The following LRP2 variants were observed in gnomAD, a reference collection of about 807,000 sequenced individuals.
The protein encoded by LRP2 is low-density lipoprotein receptor-related protein 2.
A neutral mutation model predicts 531.0 loss-of-function variants in LRP2; 172 were observed. The observed-to-expected ratio is 0.32, with a 90% confidence interval of 0.29 to 0.37. The LOEUF (loss-of-function observed/expected upper bound fraction) is 0.37, where lower values mean the gene tolerates loss of function less well. Among genes scored for constraint, LRP2 ranks in the 10% least tolerant of loss-of-function variants. LRP2 has a pLI of 1.00. For synonymous variants in LRP2, 1,992 were observed against 2,027.6 expected (o/e 0.98, Z 0.47); for missense variants, 5,167 against 5,868.3 (o/e 0.88, Z 3.90).
intron 1 of LRP2, among the ~76,000 whole-genome samples, chr2:169,327,644 G>A (rs1466960162): frequency 3.0e-4 from 15 of 49,552 alleles, no homozygotes; most frequent in African/African-American, 1.3e-3. Context: ...CAGCCACCCC[G>A]TCCGGGAGGG....
At chr2:169,220,728 T>C (rs902898891) in intron 33 of LRP2, among the ~76,000 whole-genome samples, 165 bp from the exon 34 acceptor site, 1 of 152,116 alleles carries the variant, frequency 6.6e-6, no homozygotes, top group African/African-American at 2.4e-5. Context: ...TTCAGGGAAA[T>C]GAGGAAATTA....
At chr2:169,195,059 T>A (rs1687960807) in intron 46 of LRP2, among the ~76,000 whole-genome samples, 1 of 152,178 alleles carries the variant, frequency 6.6e-6, no homozygotes, top group African/African-American at 2.4e-5. Flanking sequence ...GCAGCACCAT[T>A]TCTGGACATC....
intron 7 of LRP2, 38 bp downstream of exon 7, chr2:169,292,215 G>A (rs1286990544): frequency 7.0e-7 from 1 of 1,431,680 alleles, no homozygotes; most frequent in African/African-American, 1.4e-5. Context: ...AACACTTGAA[G>A]AAAATGCTTT....
At chr2:169,294,493 A>G (rs1684084317) in intron 5 of LRP2, 107 bp downstream of exon 5, 1 of 876,166 alleles carries the variant, frequency 1.1e-6, no homozygotes, top group Non-Finnish European at 1.9e-6. Context: ...AACTACCAAC[A>G]TGAATTCACT....
intron 55 of LRP2, 54 bp downstream of exon 55, chr2:169,175,139 C>T (rs1687143839): frequency 2.3e-5 from 35 of 1,529,594 alleles, no homozygotes; most frequent in South Asian, 3.4e-5. Context: ...GAATCATGAT[C>T]GTATACAATC....
rs1351913322 is a variant in LRP2 at position 169,203,979 on chromosome 2, T to C, written c.8005+3A>G. 1 of 1,614,090 alleles carries C rather than the reference T, an allele frequency of 6.2e-7. No homozygotes were observed. Among genetic ancestry groups the C allele is most frequent in the East Asian group, 2.2e-5 (1 of 44,890 alleles). On this transcript the variant is annotated splice_donor_region_variant and intron_variant, in intron 42 of 78. Transcript: ENST00000649046. Reference sequence around the variant, plus strand: ...GTTCTAATTTTCATGGTCAGTGCCTTACCTGGTGCACAGATATGGCTGCAG... The same window carrying C: ...GTTCTAATTTTCATGGTCAGTGCCTCACCTGGTGCACAGATATGGCTGCAG...
intron 1 of LRP2, among the ~76,000 whole-genome samples, chr2:169,324,966 G>A (rs531149658): frequency 1.4e-5 from 2 of 145,306 alleles, no homozygotes; most frequent in Non-Finnish European, 3.0e-5. Flanking sequence ...CAAACAATGA[G>A]ACTTTAAATA....
rs139489982 is a variant in LRP2, at chr2:169,184,572, T to C, written c.9845+931A>G. On this transcript the variant is annotated intron_variant, in intron 50 of 78. Coordinates refer to ENST00000649046, the MANE Select transcript of LRP2 (RefSeq NM_004525.3). ...TTTATGCTGCCAAGAATCCGATAGATTTGATATTCAATAGAGATGTTAAGA... is the reference window on the plus strand; with the variant it reads ...TTTATGCTGCCAAGAATCCGATAGACTTGATATTCAATAGAGATGTTAAGA... Among the ~76,000 whole-genome samples, 1,378 of 152,304 alleles carry C rather than the reference T, an allele frequency of 9.0e-3. 20 individuals carry two copies. Among genetic ancestry groups the C allele is most frequent in the African/African-American group, 0.032 (1,310 of 41,554 alleles).
At position 169,291,165 on chromosome 2, in the gene LRP2, T is replaced by A. The variant is rs552282732; in HGVS notation, c.770-168A>T. ...TCTAACTCTACCACTAGTCTTTTAC[T>A]GAGATTCTAAGGAGAGGCATAATGG... On this transcript the variant is annotated intron_variant, in intron 7 of 78. Coordinates refer to ENST00000649046, the MANE Select transcript of LRP2 (RefSeq NM_004525.3). Among the ~76,000 whole-genome samples the A allele has an allele frequency of 2.6e-5, 4 of 152,322 alleles. No individual in the cohort carries two copies. In the South Asian group the frequency reaches 8.3e-4, roughly 32 times the overall value.
chr2:169,201,776 A>G lies in LRP2; in HGVS notation c.8304T>C (p.Asp2768=), dbSNP rs773148967. 7 of 1,614,134 alleles carry G rather than the reference A, an allele frequency of 4.3e-6. No individual in the cohort carries two copies. Among genetic ancestry groups the G allele is most frequent in the African/African-American group, 1.3e-5 (1 of 74,946 alleles). Residue 2768 remains aspartate (D), a synonymous_variant, in exon 44 of 79, where the codon GAT becomes GAC. Transcript: ENST00000649046. ...YRCDYYNDCG[D]GSDEAGCLFR... ...ACAGGCACCCTGCCTCATCACTGCC[A>G]TCACCACAGTCATTGTAGTAATCAC...
chr2:169,267,088 C>G (rs1045373419), intron 16 of LRP2, among the ~76,000 whole-genome samples: 6 of 151,596 alleles, frequency 4.0e-5, no homozygotes, highest in African/African-American at 1.5e-4. Flanking sequence ...TGGAATCTCA[C>G]TATGTTGCTC....
At chr2:169,277,646 G>A (rs931450662) in intron 13 of LRP2, 99 bp downstream of exon 13, 38 of 1,071,910 alleles carry the variant, frequency 3.5e-5, no homozygotes, top group Non-Finnish European at 8.5e-6. Flanking sequence ...CACCAACAAA[G>A]CAATATTTTA....
intron 76 of LRP2, 96 bp downstream of exon 76, chr2:169,137,296 T>G: frequency 1.1e-6 from 1 of 945,892 alleles, no homozygotes; most frequent in South Asian, 1.3e-5. Flanking sequence ...CTTCCTTCCC[T>G]TTGGAGGGAA....
intron 65 of LRP2, among the ~76,000 whole-genome samples, chr2:169,155,601 T>C (rs1019770891): frequency 5.3e-5 from 8 of 152,218 alleles, no homozygotes; most frequent in Admixed American, 1.3e-4. Flanking sequence ...TAAAGACCCA[T>C]GCCTCTTAAC....
intron 9 of LRP2, 142 bp downstream of exon 9, chr2:169,288,884 T>C: frequency 7.6e-7 from 1 of 1,320,310 alleles, no homozygotes; most frequent in Non-Finnish European, 1.1e-6. Flanking sequence ...ATTTGCCAGG[T>C]TTTCTGTGAG....
At chr2:169,320,176 G>A (rs369013515) in intron 2 of LRP2, among the ~76,000 whole-genome samples, 3 of 152,282 alleles carry the variant, frequency 2.0e-5, no homozygotes, top group East Asian at 3.9e-4. Flanking sequence ...GACCTCAGAA[G>A]ATTAGTGAGA....
At position 169,280,396 on chromosome 2, in the gene LRP2, T is replaced by C; in HGVS notation, c.1295A>G (p.His432Arg). The part of the protein sequence containing the change: ...NRGVAVGVAF[H>R]YHLQRVFWTD... Reference sequence around the variant, plus strand: ...CCAAAAAACTCTTTGCAGGTGATAGTGGAAAGCCACACCCACGGCCACTCC... The same window carrying C: ...CCAAAAAACTCTTTGCAGGTGATAGCGGAAAGCCACACCCACGGCCACTCC... Residue 432 changes from histidine (H) to arginine (R), a missense_variant, in exon 11 of 79, where the codon CAC (histidine) becomes CGC (arginine). This residue lies in a region of LRP2 where 2,811 missense variants were observed against 3,058.0 expected (regional missense o/e 0.92). Coordinates refer to ENST00000649046, the MANE Select transcript of LRP2 (RefSeq NM_004525.3). The C allele has an allele frequency of 6.2e-7, 1 of 1,614,160 alleles. No individual in the cohort carries two copies. The highest frequency in any genetic ancestry group is 8.5e-7 in the Non-Finnish European group (1 of 1,180,020).
At chr2:169,177,280 G>C (rs1204328188) in intron 53 of LRP2, among the ~76,000 whole-genome samples, 1 of 151,988 alleles carries the variant, frequency 6.6e-6, no homozygotes, top group East Asian at 1.9e-4. Context: ...TGCTTTAATT[G>C]CATAAAAGGA....
At chr2:169,292,750 C>G (rs1187099840) in intron 6 of LRP2, among the ~76,000 whole-genome samples, 3 of 148,030 alleles carry the variant, frequency 2.0e-5, no homozygotes, top group Non-Finnish European at 4.4e-5. Flanking sequence ...ATGGCATGAG[C>G]CTGGTGGGGG....
Sources: gnomAD v4.1 joint callset for allele counts (sites outside exome capture counted in the v4.1 genomes callset) on GRCh38, gnomAD v4.1.1 for gene constraint, gnomAD v4.1.1 regional missense constraint, MANE v1.5 for transcripts, NCBI Gene and HGNC (gene_info 2026-07-23, HGNC 2026-07-21) for gene names.